Variants in TAOK3 observed in about 807,000 individuals in gnomAD.
TAOK3 encodes TAO kinase 3.
In TAOK3, 40 loss-of-function variants were observed where a neutral mutation model predicts 120.4. The observed-to-expected ratio is 0.33, with a 90% confidence interval of 0.26 to 0.43. The LOEUF (loss-of-function observed/expected upper bound fraction) is 0.43. Among genes scored for constraint, TAOK3 ranks in the 20% least tolerant of loss-of-function variants. The pLI, the probability that TAOK3 is intolerant of heterozygous loss-of-function variation, is 1.00. For synonymous variants in TAOK3, 355 were observed against 387.5 expected, an observed-to-expected ratio of 0.92 and a Z score of 0.99; for missense variants, 821 against 1,112.1, an observed-to-expected ratio of 0.74 and a Z score of 3.72.
intron 6 of TAOK3, among the ~76,000 whole-genome samples, chr12:118,238,727 T>C (rs186342717): frequency 6.6e-6 from 1 of 152,068 alleles, no homozygotes; most frequent in African/African-American, 2.4e-5. Flanking sequence ...CTTGAATTCC[T>C]GGGCTCAAGT....
At chr12:118,365,432 G>A (rs1593713876) in intron 1 of TAOK3, among the ~76,000 whole-genome samples, 1 of 151,634 alleles carries the variant, frequency 6.6e-6, no homozygotes, top group African/African-American at 2.4e-5. Context: ...GGGCGGGGGC[G>A]GGGGCGGTGT....
chr12:118,243,592 A>G, intron 4 of TAOK3, 76 bp from the exon 5 acceptor site: 1 of 520,550 alleles, frequency 1.9e-6, no homozygotes, highest in Non-Finnish European at 3.3e-6. Context: ...GTATACGTAT[A>G]TATCATTTAT....
At chr12:118,205,225 G>A (rs1476077773) in intron 11 of TAOK3, among the ~76,000 whole-genome samples, 2 of 151,590 alleles carry the variant, frequency 1.3e-5, no homozygotes, top group African/African-American at 4.8e-5. Context: ...AAATTAGCCA[G>A]GCGTGGTAGT....
intron 1 of TAOK3, among the ~76,000 whole-genome samples, chr12:118,324,431 T>G (rs7961312): frequency 0.094 from 14,303 of 152,222 alleles, 849 homozygotes; most frequent in Non-Finnish European, 0.13. Flanking sequence ...CCAATGGTTA[T>G]TGTTGACTGG....
At chr12:118,302,892 T>C (rs942270155) in intron 1 of TAOK3, among the ~76,000 whole-genome samples, 5 of 152,316 alleles carry the variant, frequency 3.3e-5, no homozygotes, top group Middle Eastern at 3.4e-3. Flanking sequence ...GTAAACTTCA[T>C]AAATGCACAC....
intron 1 of TAOK3, among the ~76,000 whole-genome samples, chr12:118,340,991 A>ATT (rs201372454): frequency 6.8e-5 from 10 of 146,822 alleles, no homozygotes; most frequent in Admixed American, 6.8e-5. Flanking sequence ...TAATATATCT[A>ATT]ATTTTTTTTT....
intron 16 of TAOK3, among the ~76,000 whole-genome samples, chr12:118,173,086 T>C (rs771094588): frequency 6.6e-6 from 1 of 152,228 alleles, no homozygotes; most frequent in East Asian, 1.9e-4. Flanking sequence ...GAGGACGTAC[T>C]TGGCCCTAGA....
At chr12:118,331,953 A>T (rs1286389858) in intron 1 of TAOK3, among the ~76,000 whole-genome samples, 1 of 151,690 alleles carries the variant, frequency 6.6e-6, no homozygotes, top group Non-Finnish European at 1.5e-5. Context: ...CAGTCCCCTG[A>T]GTAGCTGGGA....
intron 3 of TAOK3, among the ~76,000 whole-genome samples, chr12:118,248,969 T>A (rs1021074211): frequency 6.6e-6 from 1 of 152,060 alleles, no homozygotes; most frequent in African/African-American, 2.4e-5. Context: ...ACATGCTAGA[T>A]AGAAACTTAA....
intron 11 of TAOK3, among the ~76,000 whole-genome samples, chr12:118,202,905 G>A (rs946757285): frequency 6.8e-6 from 1 of 147,970 alleles, no homozygotes; most frequent in Non-Finnish European, 1.5e-5. Flanking sequence ...TCAGCCTCCC[G>A]AGTAGCTGGA....
intron 20 of TAOK3, 61 bp from the exon 21 acceptor site, chr12:118,151,219 C>T (rs1404059604): frequency 3.2e-5 from 50 of 1,568,406 alleles, no homozygotes; most frequent in South Asian, 4.5e-5. Context: ...CCCACGTGCA[C>T]GCGATACACC....
chr12:118,265,094 T>G (rs1475316561), intron 2 of TAOK3, among the ~76,000 whole-genome samples: 1 of 151,640 alleles, frequency 6.6e-6, no homozygotes, highest in Non-Finnish European at 1.5e-5. Flanking sequence ...TATTTGCCAG[T>G]TAAAAGCTAT....
chr12:118,348,240 T>G (rs2044960678), intron 1 of TAOK3, among the ~76,000 whole-genome samples: 1 of 152,242 alleles, frequency 6.6e-6, no homozygotes, highest in South Asian at 2.1e-4. Context: ...CTTGCTGACC[T>G]TGATGTCATT....
At chr12:118,264,941 A>G (rs1021117559) in intron 2 of TAOK3, among the ~76,000 whole-genome samples, 9 of 151,830 alleles carry the variant, frequency 5.9e-5, no homozygotes, top group African/African-American at 2.2e-4. Flanking sequence ...GACTAAAGTG[A>G]GAGAATTCTT....
intron 10 of TAOK3, 79 bp from the exon 11 acceptor site, chr12:118,213,074 A>T: frequency 1.1e-6 from 1 of 919,166 alleles, no homozygotes; most frequent in South Asian, 2.8e-5. Context: ...TTTTCATTCA[A>T]GGGAAAATTT....
intron 13 of TAOK3, among the ~76,000 whole-genome samples, chr12:118,192,742 C>T (rs1273760836): frequency 6.6e-6 from 1 of 152,214 alleles, no homozygotes; most frequent in Non-Finnish European, 1.5e-5. Context: ...TAAGAGACCA[C>T]TATACCTGGC....
At chr12:118,344,258 G>A (rs1358119923) in intron 1 of TAOK3, among the ~76,000 whole-genome samples, 1 of 149,892 alleles carries the variant, frequency 6.7e-6, no homozygotes, top group Non-Finnish European at 1.5e-5. Flanking sequence ...TCAAGCTCTT[G>A]ATTATTTTAA....
intron 19 of TAOK3, among the ~76,000 whole-genome samples, chr12:118,153,145 C>G (rs1268802649): frequency 6.6e-6 from 1 of 152,168 alleles, no homozygotes; most frequent in East Asian, 1.9e-4. Context: ...GGTGGCTCAC[C>G]TCTGTTATCT....
chr12:118,255,625 C>T lies in TAOK3; in HGVS notation c.-58G>A, dbSNP rs2040948526. 6.5e-7 allele frequency: 1 copy of T among 1,526,966 alleles called. No individual in the cohort carries two copies. Among genetic ancestry groups the T allele is most frequent in the South Asian group, 1.3e-5 (1 of 77,420 alleles). The allele number at this position is 1,526,966 out of a possible 1,614,324, so 94.6% of individuals were successfully genotyped here. A position where few individuals can be genotyped will look rare whatever the true frequency, so the allele number is the denominator to read the frequency against. ...ATCAGTTAGCTTTATTTCTCATTGA[C>T]AATTTTTTTTGGGGGGTAAATCTTC... On this transcript the variant is annotated 5_prime_UTR_variant, in exon 3 of 21. Coordinates refer to ENST00000392533, the MANE Select transcript of TAOK3 (RefSeq NM_016281.4).
Sources: gnomAD v4.1 joint callset for allele counts (sites outside exome capture counted in the v4.1 genomes callset) on GRCh38, gnomAD v4.1.1 for gene constraint, MANE v1.5 for transcripts, NCBI Gene and HGNC (gene_info 2026-07-23, HGNC 2026-07-21) for gene names.